LRRFIP2: variants seen among roughly 807,000 people sequenced by gnomAD.
LRRFIP2 encodes the protein leucine-rich repeat flightless-interacting protein 2.
A neutral mutation model predicts 125.9 loss-of-function variants in LRRFIP2; 109 were observed. That is an observed-to-expected ratio of 0.87 (90% CI 0.74 to 1.01). The LOEUF is 1.01. LRRFIP2 is among the 50% of genes least tolerant of loss of function. The pLI, the probability that LRRFIP2 is intolerant of heterozygous loss-of-function variation, is 0.00. For missense variants in LRRFIP2, 850 were observed against 862.3 expected (o/e 0.99, Z 0.18); for synonymous variants, 291 against 293.1 (o/e 0.99, Z 0.07).
At chr3:37,065,539 A>G (rs2089947696) in intron 23 of LRRFIP2, 2 of 586,234 alleles carry the variant, frequency 3.4e-6, no homozygotes, top group Admixed American at 4.3e-5. Context: ...AACAGTTTGT[A>G]GTTAAGTAAA....
chr3:37,089,070 C>T (rs527492667), intron 18 of LRRFIP2, among the ~76,000 whole-genome samples: 1 of 151,968 alleles, frequency 6.6e-6, no homozygotes, highest in East Asian at 1.9e-4. Flanking sequence ...CTATAGCTTG[C>T]CTTTTTTCAA....
chr3:37,086,722 G>A (rs902313888), intron 18 of LRRFIP2, among the ~76,000 whole-genome samples: 3 of 152,136 alleles, frequency 2.0e-5, no homozygotes, highest in African/African-American at 7.2e-5. Context: ...TGATGAAAAT[G>A]TTCTAAAGAT....
rs1314663245 is a variant in LRRFIP2, at chr3:37,112,954, T to C, written c.399A>G (p.Gly133=). Residue 133 remains glycine (G), a synonymous_variant, in exon 8 of 28, where the codon GGA becomes GGG. Transcript: ENST00000336686. The part of the protein sequence containing the change: ...SLNHSYSHSH[G]MKKRSSDSHK... ...GAGAATCAGAAGACCTCTTCTTCATTCCATGAGAGTGACTGTAAGAATGAT... is the reference window on the plus strand; with the variant it reads ...GAGAATCAGAAGACCTCTTCTTCATCCCATGAGAGTGACTGTAAGAATGAT... The C allele has an allele frequency of 6.3e-7, 1 of 1,582,788 alleles. No homozygotes were observed. Among genetic ancestry groups the C allele is most frequent in the Admixed American group, 1.7e-5 (1 of 59,702 alleles).
At chr3:37,063,814 T>C in intron 23 of LRRFIP2, 23 bp from the exon 24 acceptor site, 2 of 1,578,856 alleles carry the variant, frequency 1.3e-6, no homozygotes, top group Non-Finnish European at 1.7e-6. Flanking sequence ...AAAAAGATCA[T>C]AAACTAAATA....
chr3:37,105,395 G>T, intron 14 of LRRFIP2, 60 bp downstream of exon 14: 2 of 1,330,860 alleles, frequency 1.5e-6, no homozygotes, highest in South Asian at 1.2e-5. Flanking sequence ...GACTTCATGT[G>T]ATCATGCATT....
At chr3:37,126,510 G>GA (rs1311342191) in intron 4 of LRRFIP2, among the ~76,000 whole-genome samples, 1 of 151,690 alleles carries the variant, frequency 6.6e-6, no homozygotes, top group East Asian at 1.9e-4. Flanking sequence ...CCCTTTCAAT[G>GA]AAAATCTAGC....
Position 37,121,503 on chromosome 3 carries a change from C to G in LRRFIP2, c.319G>C (p.Gly107Arg), listed in dbSNP as rs1300451870. The G allele has an allele frequency of 6.2e-7, 1 of 1,613,952 alleles. No individual in the cohort carries two copies. Among genetic ancestry groups the G allele is most frequent in the Admixed American group, 1.7e-5 (1 of 60,016 alleles). Residue 107 changes from glycine (G) to arginine (R), a missense_variant, in exon 6 of 28, where the codon GGC (glycine) becomes CGC (arginine). Coordinates refer to ENST00000336686, the MANE Select transcript of LRRFIP2 (RefSeq NM_006309.4). Reference protein sequence around the residue: ...VEDALSIRSVGSHRYDMFKDR... With the variant: ...VEDALSIRSVRSHRYDMFKDR... ...GTTAAAATACCAACCCTGTGACTGC[C>G]AACACTTCGAATGGACAATGCATCC...
At chr3:37,101,285 G>A (rs1167361178) in intron 15 of LRRFIP2, among the ~76,000 whole-genome samples, 1 of 151,650 alleles carries the variant, frequency 6.6e-6, no homozygotes, top group Non-Finnish European at 1.5e-5. Context: ...TGAACTCGGA[G>A]GGTGGGGGTT....
chr3:37,072,501 CA>C (rs907848276), intron 21 of LRRFIP2, among the ~76,000 whole-genome samples: 1,813 of 34,476 alleles, frequency 0.053, 9 homozygotes, highest in African/African-American at 0.11. Context: ...GACTCCGTCT[CA>C]AAAAAAAAAA....
chr3:37,160,641 T>TCC (rs941162150), intron 1 of LRRFIP2, among the ~76,000 whole-genome samples: 22 of 151,928 alleles, frequency 1.4e-4, no homozygotes, highest in Admixed American at 1.4e-3. Flanking sequence ...TAGCTGGGCG[T>TCC]GGTGGTACAT....
chr3:37,076,888 TAGAA>T (rs962819129), intron 19 of LRRFIP2, among the ~76,000 whole-genome samples: 1 of 151,384 alleles, frequency 6.6e-6, no homozygotes, highest in Non-Finnish European at 1.5e-5. Context: ...AAACAAAAAC[TAGAA>T]AGAAAGAAAA....
chr3:37,084,074 T>C (rs2092852720), intron 18 of LRRFIP2, among the ~76,000 whole-genome samples: 1 of 152,170 alleles, frequency 6.6e-6, no homozygotes, highest in Non-Finnish European at 1.5e-5. Context: ...ATGAAAAGAA[T>C]TGCAACAACA....
intron 7 of LRRFIP2, 27 bp from the exon 8 acceptor site, chr3:37,113,007 T>TCGCTATG: frequency 7.5e-7 from 1 of 1,329,402 alleles, no homozygotes; most frequent in Non-Finnish European, 1.1e-6. Flanking sequence ...CAAGTTAACT[T>TCGCTATG]CAATGATTGC....
chr3:37,144,921 G>A (rs1338948080), intron 2 of LRRFIP2, among the ~76,000 whole-genome samples: 1 of 152,050 alleles, frequency 6.6e-6, no homozygotes, highest in Non-Finnish European at 1.5e-5. Flanking sequence ...CAAAGAAAAT[G>A]ACTAACTCAG....
At chr3:37,096,685 C>T in intron 15 of LRRFIP2, 25 bp from the exon 16 acceptor site, 6 of 1,445,652 alleles carry the variant, frequency 4.2e-6, no homozygotes, top group Non-Finnish European at 5.7e-6. Context: ...AGATAAAAAT[C>T]AGTAAAGATG....
chr3:37,142,603 T>C (rs1421615665), intron 2 of LRRFIP2, among the ~76,000 whole-genome samples: 1 of 152,212 alleles, frequency 6.6e-6, no homozygotes, highest in African/African-American at 2.4e-5. Context: ...AAAGACTTTA[T>C]GCATTCTGGG....
At chr3:37,083,843 A>T in intron 18 of LRRFIP2, 37 bp from the exon 19 acceptor site, 2 of 1,475,810 alleles carry the variant, frequency 1.4e-6, no homozygotes, top group Non-Finnish European at 1.8e-6. Flanking sequence ...GATATCTAAA[A>T]TGTTAATTGA....
chr3:37,083,340 A>T (rs1233337690), intron 19 of LRRFIP2, among the ~76,000 whole-genome samples: 1 of 152,228 alleles, frequency 6.6e-6, no homozygotes, highest in Non-Finnish European at 1.5e-5. Context: ...AGAAGAAATA[A>T]GTAACACTGT....
At chr3:37,145,521 A>G (rs2095836770) in intron 2 of LRRFIP2, among the ~76,000 whole-genome samples, 1 of 152,216 alleles carries the variant, frequency 6.6e-6, no homozygotes, top group Non-Finnish European at 1.5e-5. Flanking sequence ...GTAAGTCTCC[A>G]AAGCCCACCT....
Sources: allele counts gnomAD v4.1 joint callset (sites outside exome capture counted in the v4.1 genomes callset), GRCh38; gene constraint gnomAD v4.1.1; transcripts MANE v1.5; gene names NCBI Gene and HGNC (gene_info 2026-07-23, HGNC 2026-07-21).